Variants in MYO3B observed in about 807,000 individuals in gnomAD.
MYO3B encodes the protein myosin IIIB, also known as myosin-IIIb.
In MYO3B, 156 loss-of-function variants were observed where a neutral mutation model predicts 174.6. That is an observed-to-expected ratio of 0.89 (90% confidence interval 0.78 to 1.02). The LOEUF is 1.02. Among genes scored for constraint, MYO3B ranks in the 50% least tolerant of loss-of-function variants. MYO3B has a pLI of 0.00. For synonymous variants in MYO3B, 563 were observed against 569.1 expected (o/e 0.99, Z 0.15); for missense variants, 1,632 against 1,639.4 (o/e 1.00, Z 0.08).
chr2:170,313,525 G>A (rs1249556131), intron 7 of MYO3B, among the ~76,000 whole-genome samples: 1 of 152,192 alleles, frequency 6.6e-6, no homozygotes, highest in Non-Finnish European at 1.5e-5. Flanking sequence ...TCCAGTGATA[G>A]CATCTCTGCA....
At chr2:170,418,150 CT>C in intron 22 of MYO3B, among the ~76,000 whole-genome samples, 1 of 152,256 alleles carries the variant, frequency 6.6e-6, no homozygotes, top group South Asian at 2.1e-4. Flanking sequence ...CATATTGTCC[CT>C]AGTGAGTTGA....
Position 170,653,287 on chromosome 2 carries a change from CCTCTACCA to C in MYO3B, c.*171_*178del. ...CAGATTCCAAAACATCTTATCCTAT[CCTCTACCA>C]CTCTCCCACATGTGTTGTGCAGCCT... On this transcript the variant is annotated 3_prime_UTR_variant, in exon 35 of 35. Transcript: ENST00000408978. 1.3e-6 allele frequency: 1 copy of C among 748,574 alleles called. No homozygotes were observed. The highest frequency in any genetic ancestry group is 1.8e-5 in the African/African-American group (1 of 56,884). 46.4% of individuals were successfully genotyped at this position (748,574 alleles called of 1,614,324 possible).
At position 170,335,368 on chromosome 2, in the gene MYO3B, T is replaced by C; in HGVS notation, c.750-17T>C. On this transcript the variant is annotated splice_polypyrimidine_tract_variant and intron_variant, in intron 7 of 34. Coordinates refer to ENST00000408978, the MANE Select transcript of MYO3B (RefSeq NM_138995.5). Reference sequence around the variant, plus strand: ...AAATTCTTCTTTCTTAAGAAAAAATTGCTGTTATTTTTTCAGAAATCCTCC... The same window carrying C: ...AAATTCTTCTTTCTTAAGAAAAAATCGCTGTTATTTTTTCAGAAATCCTCC... 1.3e-6 allele frequency: 2 copies of C among 1,589,488 alleles called. No individual in the cohort carries two copies. Among genetic ancestry groups the C allele is most frequent in the East Asian group, 2.2e-5 (1 of 44,624 alleles).
chr2:170,421,336 G>A (rs2094613282), intron 22 of MYO3B, among the ~76,000 whole-genome samples: 3 of 152,246 alleles, frequency 2.0e-5, no homozygotes. Flanking sequence ...GAGTGCAGAT[G>A]TAATTGCAGT....
intron 22 of MYO3B, among the ~76,000 whole-genome samples, chr2:170,442,063 G>A (rs898438945): frequency 6.6e-6 from 1 of 152,042 alleles, no homozygotes; most frequent in Non-Finnish European, 1.5e-5. Flanking sequence ...TTCATAAATG[G>A]CCATTAATAT....
chr2:170,563,259 G>A (rs78067993), intron 32 of MYO3B, among the ~76,000 whole-genome samples: 2,651 of 152,184 alleles, frequency 0.017, 67 homozygotes, highest in East Asian at 0.088. Context: ...TAAGGTTGGG[G>A]CAAGATATAG....
intron 9 of MYO3B, among the ~76,000 whole-genome samples, chr2:170,380,924 T>A (rs1259740312): frequency 6.6e-6 from 1 of 152,172 alleles, no homozygotes; most frequent in South Asian, 2.1e-4. Flanking sequence ...GAGATTAGCC[T>A]GGACAACAAA....
At chr2:170,396,856 G>A (rs188473787) in intron 16 of MYO3B, among the ~76,000 whole-genome samples, 21 of 152,280 alleles carry the variant, frequency 1.4e-4, no homozygotes, top group African/African-American at 4.8e-4. Context: ...TGTGTGATGT[G>A]TGTTTTAATT....
chr2:170,445,569 G>C (rs1426760312), intron 23 of MYO3B, among the ~76,000 whole-genome samples: 1 of 151,872 alleles, frequency 6.6e-6, no homozygotes, highest in Non-Finnish European at 1.5e-5. Flanking sequence ...TCCAACTCCC[G>C]ACCTCAGGTG....
intron 32 of MYO3B, among the ~76,000 whole-genome samples, chr2:170,645,068 C>T (rs1698259965): frequency 6.6e-6 from 1 of 152,018 alleles, no homozygotes; most frequent in African/African-American, 2.4e-5. Context: ...TGCCAATGTA[C>T]GACAAAGTGG....
intron 32 of MYO3B, among the ~76,000 whole-genome samples, chr2:170,649,593 G>A (rs187462148): frequency 2.5e-4 from 38 of 150,020 alleles, no homozygotes; most frequent in African/African-American, 6.4e-4. Context: ...TTAGGAGGCC[G>A]AGGAGGGCAG....
intron 32 of MYO3B, among the ~76,000 whole-genome samples, chr2:170,548,744 G>A (rs1413547474): frequency 6.6e-6 from 1 of 152,142 alleles, no homozygotes; most frequent in Admixed American, 6.5e-5. Flanking sequence ...ATTAACAGCA[G>A]TTATCACATT....
At chr2:170,372,536 A>G (rs2094256654) in intron 9 of MYO3B, among the ~76,000 whole-genome samples, 2 of 152,336 alleles carry the variant, frequency 1.3e-5, no homozygotes, top group Admixed American at 1.3e-4. Context: ...AGAGGCATTT[A>G]TACATGTGTA....
chr2:170,256,856 A>T (rs2093309030), intron 7 of MYO3B, among the ~76,000 whole-genome samples: 1 of 152,198 alleles, frequency 6.6e-6, no homozygotes. Flanking sequence ...TGACTTCAAG[A>T]GACCTATCTC....
At position 170,520,466 on chromosome 2, in the gene MYO3B, CATATATATACACAT is replaced by C. The variant is rs968367317; in HGVS notation, c.3575+940_3575+953del. Among the ~76,000 whole-genome samples the C allele has an allele frequency of 3.3e-5, 5 of 151,090 alleles. No homozygotes were observed. The East Asian group carries it at 7.7e-4, about 23-fold the overall frequency. On this transcript the variant is annotated intron_variant, in intron 30 of 34. Transcript: ENST00000408978. ...ATATACACATATATATATACACACA[CATATATATACACAT>C]ATATATATACACACATATATACACA...
At chr2:170,349,300 G>A (rs13015297) in intron 8 of MYO3B, among the ~76,000 whole-genome samples, 76,434 of 151,898 alleles carry the variant, frequency 0.5, 21,116 homozygotes, top group East Asian at 0.66. Flanking sequence ...GGGAGAGAGG[G>A]AGCATGTCAA....
chr2:170,220,140 C>T (rs928957869), intron 6 of MYO3B, among the ~76,000 whole-genome samples: 1 of 151,786 alleles, frequency 6.6e-6, no homozygotes, highest in Non-Finnish European at 1.5e-5. Flanking sequence ...TGCCTGTAGT[C>T]CCAGCTACTC....
In MYO3B at chr2:170,359,296, C is replaced by G. The variant is rs367664630; in HGVS notation, c.816-9926C>G. On this transcript the variant is annotated intron_variant, in intron 8 of 34. Coordinates refer to ENST00000408978, the MANE Select transcript of MYO3B (RefSeq NM_138995.5). ...ATTGGTGACCTCTTCTCTTTTCTTTCAACACTCTTGACTTGTCTTCAAGTT... is the reference window on the plus strand; with the variant it reads ...ATTGGTGACCTCTTCTCTTTTCTTTGAACACTCTTGACTTGTCTTCAAGTT... 7.2e-4 allele frequency among the ~76,000 whole-genome samples: 110 copies of G among 152,276 alleles called. 2 individuals carry two copies. In the South Asian group the frequency reaches 0.02, roughly 28 times the overall value.
chr2:170,543,507 T>C (rs1320157694), intron 31 of MYO3B, among the ~76,000 whole-genome samples: 1 of 152,244 alleles, frequency 6.6e-6, no homozygotes, highest in Non-Finnish European at 1.5e-5. Flanking sequence ...TTGGATGATG[T>C]ACTTAGAAAT....
Sources: gnomAD v4.1 joint callset for allele counts (sites outside exome capture counted in the v4.1 genomes callset) on GRCh38, gnomAD v4.1.1 for gene constraint, MANE v1.5 for transcripts, NCBI Gene and HGNC (gene_info 2026-07-23, HGNC 2026-07-21) for gene names.